Variants in SDC2 observed in about 807,000 individuals in gnomAD.
SDC2 encodes the protein syndecan 2, also known as syndecan-2.
Under a neutral mutation model 22.2 loss-of-function variants are expected in SDC2, and 13 were observed. The observed-to-expected ratio is 0.59, with a 90% CI of 0.38 to 0.93. The LOEUF (loss-of-function observed/expected upper bound fraction) is 0.93. SDC2 is among the 40% of genes least tolerant of loss of function. The pLI, the probability that SDC2 is intolerant of heterozygous loss-of-function variation, is 0.00. For synonymous variants in SDC2, 94 were observed against 92.8 expected, an observed-to-expected ratio of 1.01 and a Z score of -0.07; for missense variants, 235 against 246.8, an observed-to-expected ratio of 0.95 and a Z score of 0.32.
intron 1 of SDC2, among the ~76,000 whole-genome samples, chr8:96,534,746 A>G (rs1007368270): frequency 5.5e-5 from 8 of 146,454 alleles, no homozygotes; most frequent in African/African-American, 1.8e-4. Flanking sequence ...TGGCCTTTTC[A>G]CTTTCTATTA....
intron 1 of SDC2, among the ~76,000 whole-genome samples, chr8:96,501,868 C>T (rs1296866516): frequency 1.3e-5 from 2 of 152,046 alleles, no homozygotes; most frequent in African/African-American, 4.8e-5. Flanking sequence ...AATTATTAAT[C>T]CCCTGTCAAA....
intron 1 of SDC2, among the ~76,000 whole-genome samples, chr8:96,522,440 G>C (rs1175770539): frequency 6.6e-6 from 1 of 151,368 alleles, no homozygotes; most frequent in Non-Finnish European, 1.5e-5. Context: ...TATTTTTGTT[G>C]TTCTTCACTA....
At chr8:96,525,084 T>C (rs1015830168) in intron 1 of SDC2, among the ~76,000 whole-genome samples, 3 of 152,282 alleles carry the variant, frequency 2.0e-5, no homozygotes, top group Admixed American at 1.3e-4. Context: ...AGAGGAATGA[T>C]TGGAAGCCCT....
chr8:96,504,011 G>A (rs1168670177), intron 1 of SDC2, among the ~76,000 whole-genome samples: 28 of 152,184 alleles, frequency 1.8e-4, no homozygotes, highest in Admixed American at 1.8e-3. Context: ...GCCCAATTGG[G>A]ATTTTTCCAA....
intron 1 of SDC2, among the ~76,000 whole-genome samples, chr8:96,543,150 T>C (rs1813878695): frequency 6.6e-6 from 1 of 152,216 alleles, no homozygotes; most frequent in African/African-American, 2.4e-5. Flanking sequence ...CAAAGGGAGA[T>C]TTTATTTTAT....
intron 1 of SDC2, among the ~76,000 whole-genome samples, chr8:96,543,045 T>G (rs1813877527): frequency 6.6e-6 from 1 of 152,166 alleles, no homozygotes. Context: ...GAAATAGCTG[T>G]GTAGTCAAAC....
intron 4 of SDC2, 46 bp downstream of exon 4, chr8:96,608,516 C>T: frequency 6.5e-7 from 1 of 1,532,198 alleles, no homozygotes. Flanking sequence ...CTACATAGGC[C>T]TCTGTTAGTC....
chr8:96,546,004 A>G (rs1175941923), intron 1 of SDC2, among the ~76,000 whole-genome samples: 1 of 152,224 alleles, frequency 6.6e-6, no homozygotes, highest in Non-Finnish European at 1.5e-5. Context: ...CAGGCTCTAC[A>G]GGGTAGAATT....
chr8:96,511,630 G>T (rs1813330134), intron 1 of SDC2, among the ~76,000 whole-genome samples: 1 of 152,166 alleles, frequency 6.6e-6, no homozygotes. Flanking sequence ...TCCGAAAGCT[G>T]TGAAGGACCC....
chr8:96,542,205 T>C (rs1235294908), intron 1 of SDC2, among the ~76,000 whole-genome samples: 1 of 152,226 alleles, frequency 6.6e-6, no homozygotes, highest in African/African-American at 2.4e-5. Flanking sequence ...CTGCTTTAAC[T>C]GGTTTGTCTT....
At chr8:96,540,719 T>A (rs1164669857) in intron 1 of SDC2, among the ~76,000 whole-genome samples, 1 of 152,136 alleles carries the variant, frequency 6.6e-6, no homozygotes, top group African/African-American at 2.4e-5. Flanking sequence ...CATTCTGTAG[T>A]GGTTTTCTTT....
intron 1 of SDC2, among the ~76,000 whole-genome samples, chr8:96,533,731 G>C (rs1357064013): frequency 6.6e-6 from 1 of 152,190 alleles, no homozygotes; most frequent in Non-Finnish European, 1.5e-5. Context: ...CCCTTAGCTA[G>C]ACATAAAGGT....
At chr8:96,543,379 A>G (rs965050292) in intron 1 of SDC2, among the ~76,000 whole-genome samples, 3 of 152,224 alleles carry the variant, frequency 2.0e-5, no homozygotes, top group African/African-American at 7.2e-5. Context: ...TGGATATTCA[A>G]TATTGATTAA....
At chr8:96,536,265 G>A (rs7822938) in intron 1 of SDC2, among the ~76,000 whole-genome samples, 4,495 of 152,134 alleles carry the variant, frequency 0.03, 212 homozygotes, top group African/African-American at 0.1. Context: ...CTTCCACATA[G>A]AGGCTGCACT....
At chr8:96,507,011 G>GAAAA (rs3065030) in intron 1 of SDC2, among the ~76,000 whole-genome samples, 7 of 111,392 alleles carry the variant, frequency 6.3e-5, no homozygotes, top group Non-Finnish European at 1.1e-4. Context: ...TCTGTCTCAG[G>GAAAA]AAAAAAAAAA....
intron 1 of SDC2, among the ~76,000 whole-genome samples, chr8:96,527,586 C>G (rs919101164): frequency 6.6e-6 from 1 of 152,164 alleles, no homozygotes; most frequent in African/African-American, 2.4e-5. Context: ...AGGGCCTCTT[C>G]GTGCAGGCTG....
intron 1 of SDC2, among the ~76,000 whole-genome samples, chr8:96,583,876 A>G (rs1814638123): frequency 6.6e-6 from 1 of 151,946 alleles, no homozygotes. Flanking sequence ...ATCATGCATA[A>G]TTATTTACCA....
At chr8:96,536,659 C>T (rs1426997489) in intron 1 of SDC2, among the ~76,000 whole-genome samples, 1 of 152,140 alleles carries the variant, frequency 6.6e-6, no homozygotes, top group Non-Finnish European at 1.5e-5. Flanking sequence ...GAGTGCCTAG[C>T]ATGGTGTTAG....
chr8:96,554,969 T>C (rs958483371), intron 1 of SDC2, among the ~76,000 whole-genome samples: 1 of 152,134 alleles, frequency 6.6e-6, no homozygotes, highest in Non-Finnish European at 1.5e-5. Context: ...TCCCTTTCCT[T>C]GTTTCTCTTC....
Sources: gnomAD v4.1 joint callset for allele counts (sites outside exome capture counted in the v4.1 genomes callset) on GRCh38, gnomAD v4.1.1 for gene constraint, MANE v1.5 for transcripts, NCBI Gene and HGNC (gene_info 2026-07-23, HGNC 2026-07-21) for gene names.